Variants in HYAL4 observed in about 807,000 individuals in gnomAD.
HYAL4 encodes hyaluronidase 4.
HYAL4 carries 37 observed loss-of-function variants against 35.2 expected under a neutral mutation model. The observed-to-expected ratio is 1.05, with a 90% CI of 0.81 to 1.38. The LOEUF (loss-of-function observed/expected upper bound fraction) is 1.38. Among genes scored for constraint, HYAL4 ranks in the 40% most tolerant of loss-of-function variants. The pLI is 0.00. For synonymous variants in HYAL4, 198 were observed against 203.2 expected (o/e 0.97, Z 0.22); for missense variants, 572 against 572.4 (o/e 1.00, Z 0.01).
chr7:123,806,780 C>T, the HYAL4 span, among the ~76,000 whole-genome samples: 1 of 152,088 alleles, frequency 6.6e-6, no homozygotes, highest in Non-Finnish European at 1.5e-5. Context: ...CGTACTCCTT[C>T]TGTCTCTCTC....
chr7:123,783,404 G>C, the HYAL4 span, among the ~76,000 whole-genome samples: 23 of 152,026 alleles, frequency 1.5e-4, no homozygotes, highest in African/African-American at 4.8e-4. Context: ...TAATCTAGTG[G>C]TGGAACACAC....
At chr7:123,819,194 C>T in the HYAL4 span, 1 of 152,518 alleles carries the variant, frequency 6.6e-6, no homozygotes, top group South Asian at 2.1e-4. Context: ...GCAGTATTTA[C>T]CTTGTGGTAC....
chr7:123,778,192 TC>T, the HYAL4 span, among the ~76,000 whole-genome samples: 6 of 144,858 alleles, frequency 4.1e-5, no homozygotes, highest in East Asian at 1.5e-3. Flanking sequence ...TATCTATCTA[TC>T]TATCACCTAT....
chr7:123,803,896 C>T, the HYAL4 span, among the ~76,000 whole-genome samples: 1 of 152,168 alleles, frequency 6.6e-6, no homozygotes, highest in African/African-American at 2.4e-5. Context: ...GCCTTAAATA[C>T]CACCTCCAGC....
chr7:123,867,902 A>C (rs1806729371), intron 2 of HYAL4, among the ~76,000 whole-genome samples: 1 of 152,202 alleles, frequency 6.6e-6, no homozygotes, highest in Non-Finnish European at 1.5e-5. Context: ...GGATTTGATG[A>C]GTTTTGCAAA....
chr7:123,857,393 T>C (rs1410674274), intron 2 of HYAL4, among the ~76,000 whole-genome samples: 1 of 152,078 alleles, frequency 6.6e-6, no homozygotes, highest in African/African-American at 2.4e-5. Context: ...TAGCACTGTC[T>C]CTCACCACAC....
At chr7:123,844,998 C>T (rs570474941), upstream of HYAL4, 12 of 152,262 alleles carry the variant, frequency 7.9e-5, 1 homozygote, top group Admixed American at 6.5e-4. Flanking sequence ...GCGATGCCCC[C>T]GCCTGCTTCA....
intron 2 of HYAL4, among the ~76,000 whole-genome samples, chr7:123,867,414 GTC>G (rs1187447387): frequency 3.9e-5 from 6 of 152,182 alleles, no homozygotes; most frequent in Non-Finnish European, 5.9e-5. Context: ...GGCATCTGGT[GTC>G]TCATTGTTTA....
chr7:123,847,831 T>C (rs1277721880), intron 1 of HYAL4, among the ~76,000 whole-genome samples: 2 of 152,182 alleles, frequency 1.3e-5, no homozygotes. Context: ...TGACCCCCTT[T>C]TTTCTCTTTA....
chr7:123,814,492 A>T, the HYAL4 span: 1 of 152,626 alleles, frequency 6.6e-6, no homozygotes, highest in African/African-American at 2.4e-5. Flanking sequence ...ATGACATTGG[A>T]GAAGGTGTCC....
chr7:123,770,056 G>C, the HYAL4 span, among the ~76,000 whole-genome samples: 1 of 151,884 alleles, frequency 6.6e-6, no homozygotes, highest in Non-Finnish European at 1.5e-5. Flanking sequence ...TCAGAATAAA[G>C]TTTAAACTAA....
the HYAL4 span, among the ~76,000 whole-genome samples, chr7:123,775,751 CT>C: frequency 6.6e-6 from 1 of 152,158 alleles, no homozygotes; most frequent in African/African-American, 2.4e-5. Flanking sequence ...TTCCTGTCAT[CT>C]TTAGATGACA....
intron 3 of HYAL4, among the ~76,000 whole-genome samples, chr7:123,873,402 G>GAA (rs33930393): frequency 7.1e-6 from 1 of 141,502 alleles, no homozygotes. Flanking sequence ...CAATTGCCCA[G>GAA]AAAAAAAAAA....
intron 3 of HYAL4, among the ~76,000 whole-genome samples, chr7:123,874,438 C>G (rs1361938665): frequency 6.6e-6 from 1 of 152,118 alleles, no homozygotes; most frequent in South Asian, 2.1e-4. Flanking sequence ...GAGTCTCACC[C>G]TGTCATCTAG....
At chr7:123,786,982 C>T in the HYAL4 span, among the ~76,000 whole-genome samples, 1 of 151,728 alleles carries the variant, frequency 6.6e-6, no homozygotes, top group Non-Finnish European at 1.5e-5. Flanking sequence ...GTGGAGGGCA[C>T]CTGTAATCAC....
At chr7:123,804,608 T>C in the HYAL4 span, among the ~76,000 whole-genome samples, 1 of 151,578 alleles carries the variant, frequency 6.6e-6, no homozygotes, top group Non-Finnish European at 1.5e-5. Context: ...GTTTCCTTCC[T>C]TCCAGTTCCC....
chr7:123,816,443 T>A, the HYAL4 span, among the ~76,000 whole-genome samples: 1 of 152,120 alleles, frequency 6.6e-6, no homozygotes, highest in African/African-American at 2.4e-5. Context: ...AATTCTTGAG[T>A]GCCTACCTTG....
chr7:123,800,917 TC>T, the HYAL4 span, among the ~76,000 whole-genome samples: 10 of 152,078 alleles, frequency 6.6e-5, no homozygotes, highest in African/African-American at 2.4e-4. Context: ...TGCCTTGGCC[TC>T]CCAAAGTGCT....
At chr7:123,837,571 A>C (rs1805984635) in intron 1 of HYAL4, among the ~76,000 whole-genome samples, 1 of 152,058 alleles carries the variant, frequency 6.6e-6, no homozygotes, top group Admixed American at 6.6e-5. Flanking sequence ...ACATGTGCAC[A>C]ACGTGCAAAT....
Sources: allele counts gnomAD v4.1 joint callset (sites outside exome capture counted in the v4.1 genomes callset), GRCh38; gene constraint gnomAD v4.1.1; transcripts MANE v1.5; gene names NCBI Gene and HGNC (gene_info 2026-07-23, HGNC 2026-07-21).